The following PLCL1 variants were observed in gnomAD, a reference collection of about 807,000 sequenced individuals.
The protein encoded by PLCL1 is phospholipase C like 1 (inactive), also known as inactive phospholipase C-like protein 1.
Under a neutral mutation model 84.4 loss-of-function variants are expected in PLCL1, and 41 were observed. The ratio of observed to expected loss-of-function variants is 0.49; its 90% CI spans 0.38 to 0.63. PLCL1 has a LOEUF of 0.63. PLCL1 is among the 30% of genes least tolerant of loss of function. The pLI, the probability that PLCL1 is intolerant of heterozygous loss-of-function variation, is 0.00. For synonymous variants in PLCL1, 490 were observed against 488.3 expected (o/e 1.00, Z -0.05); for missense variants, 1,206 against 1,367.8 (o/e 0.88, Z 1.87).
At chr2:198,074,251 G>C (rs2105887898) in intron 1 of PLCL1, among the ~76,000 whole-genome samples, 1 of 152,138 alleles carries the variant, frequency 6.6e-6, no homozygotes, top group East Asian at 1.9e-4. Context: ...TCTGAAGAAA[G>C]GCTAATTATG....
chr2:197,890,701 T>TATATATATATACACACACAC (rs11270566), intron 1 of PLCL1, among the ~76,000 whole-genome samples: 2 of 118,544 alleles, frequency 1.7e-5, no homozygotes, highest in African/African-American at 7.6e-5. Flanking sequence ...TATATATATA[T>TATATATATATACACACACAC]ACACACACAC....
chr2:197,970,139 C>A (rs1287248597), intron 1 of PLCL1, among the ~76,000 whole-genome samples: 4 of 152,146 alleles, frequency 2.6e-5, no homozygotes, highest in Non-Finnish European at 5.9e-5. Flanking sequence ...AAATTTATTT[C>A]TCACATTTCT....
At chr2:198,127,341 A>G (rs148239653) in intron 5 of PLCL1, among the ~76,000 whole-genome samples, 1,685 of 152,278 alleles carry the variant, frequency 0.011, 15 homozygotes, top group Non-Finnish European at 0.017. Flanking sequence ...TGTTAGATTA[A>G]GTTGTGTATA....
intron 1 of PLCL1, among the ~76,000 whole-genome samples, chr2:197,903,801 C>A (rs1688321468): frequency 7.3e-6 from 1 of 136,362 alleles, no homozygotes; most frequent in Non-Finnish European, 1.6e-5. Flanking sequence ...CAGTGCCCGG[C>A]CTTTTTTTTT....
At chr2:197,920,029 G>A (rs952069580) in intron 1 of PLCL1, among the ~76,000 whole-genome samples, 2 of 152,128 alleles carry the variant, frequency 1.3e-5, no homozygotes, top group African/African-American at 4.8e-5. Context: ...GCCATAGGGT[G>A]GTCATGAAAA....
chr2:198,148,808 A>G lies in PLCL1; in HGVS notation c.*1846A>G, dbSNP rs1366309200. The G allele has an allele frequency of 6.6e-6, 1 of 152,364 alleles. No individual in the cohort carries two copies. Among genetic ancestry groups the G allele is most frequent in the Non-Finnish European group, 1.5e-5 (1 of 68,040 alleles). The allele number at this position is 152,364 out of a possible 1,614,324, so 9.4% of individuals were successfully genotyped here. A position where few individuals can be genotyped will look rare whatever the true frequency, so the allele number is the denominator to read the frequency against. Reference sequence around the variant, plus strand: ...GTAAATCCATGTCTTTACTGGATATACAGTTAGGTGGGAAGAGGAGATAAA... The same window carrying G: ...GTAAATCCATGTCTTTACTGGATATGCAGTTAGGTGGGAAGAGGAGATAAA... On this transcript the variant is annotated 3_prime_UTR_variant, in exon 6 of 6. Coordinates refer to ENST00000428675, the MANE Select transcript of PLCL1 (RefSeq NM_006226.4).
chr2:197,943,568 C>T (rs1350744626), intron 1 of PLCL1, among the ~76,000 whole-genome samples: 1 of 150,210 alleles, frequency 6.7e-6, no homozygotes, highest in African/African-American at 2.4e-5. Flanking sequence ...CTTATACTTC[C>T]TATACCTTTC....
In PLCL1 at chr2:197,885,605, G is replaced by A. The variant is rs572199690; in HGVS notation, c.240+80266G>A. Among the ~76,000 whole-genome samples the A allele has an allele frequency of 5.3e-5, 8 of 152,278 alleles. No individual in the cohort carries two copies. In the East Asian group the frequency reaches 9.6e-4, roughly 18 times the overall value. On this transcript the variant is annotated intron_variant, in intron 1 of 5. Coordinates refer to ENST00000428675, the MANE Select transcript of PLCL1 (RefSeq NM_006226.4). ...ATCTGGACATCCCATGCAAGGTCCC[G>A]TCAAGTTGACACAAAAATTAACCAT...
At chr2:197,840,016 G>T (rs1237485433) in intron 1 of PLCL1, among the ~76,000 whole-genome samples, 2 of 152,158 alleles carry the variant, frequency 1.3e-5, no homozygotes. Flanking sequence ...TTAAAACCTG[G>T]CAGTGGAAGA....
At chr2:198,125,022 A>G (rs776166146) in intron 5 of PLCL1, among the ~76,000 whole-genome samples, 10 of 152,114 alleles carry the variant, frequency 6.6e-5, no homozygotes, top group Admixed American at 6.5e-5. Flanking sequence ...GACTACCATA[A>G]TGGACAACAG....
At chr2:198,143,146 T>G (rs1038225337) in intron 5 of PLCL1, among the ~76,000 whole-genome samples, 1 of 152,156 alleles carries the variant, frequency 6.6e-6, no homozygotes, top group African/African-American at 2.4e-5. Flanking sequence ...TTTAAATGGC[T>G]TGGCTGACCT....
In PLCL1 at chr2:197,994,930, C is replaced by A. The variant is rs1690427240; in HGVS notation, c.241-88828C>A. ...GAGAACCAGTGAAGAAAGGAGGAAC[C>A]TGTCATCTCCATGCAGAAGCAAGGG... On this transcript the variant is annotated intron_variant, in intron 1 of 5. Coordinates refer to ENST00000428675, the MANE Select transcript of PLCL1 (RefSeq NM_006226.4). Among the ~76,000 whole-genome samples, 3 of 152,256 alleles carry A rather than the reference C, an allele frequency of 2.0e-5. No individual in the cohort carries two copies. In the South Asian group the frequency reaches 6.2e-4, roughly 32 times the overall value.
intron 1 of PLCL1, among the ~76,000 whole-genome samples, chr2:197,869,380 T>C (rs1267058336): frequency 6.6e-6 from 1 of 152,176 alleles, no homozygotes; most frequent in Non-Finnish European, 1.5e-5. Flanking sequence ...TTTTTCTTTT[T>C]TTTTTGCCTA....
intron 5 of PLCL1, among the ~76,000 whole-genome samples, chr2:198,140,432 T>G (rs562355807): frequency 6.6e-6 from 1 of 152,278 alleles, no homozygotes; most frequent in African/African-American, 2.4e-5. Flanking sequence ...GTTTTCTGCT[T>G]AAAATGCAGT....
intron 1 of PLCL1, among the ~76,000 whole-genome samples, chr2:197,963,189 T>TGTGG (rs1689658202): frequency 6.6e-6 from 1 of 151,944 alleles, no homozygotes; most frequent in South Asian, 2.1e-4. Context: ...TTACAACCAC[T>TGTGG]ATGGATTGTA....
Position 197,890,701 on chromosome 2 carries a change from T to TAC in PLCL1, c.240+85372_240+85373dup, listed in dbSNP as rs372078594. ...TTTTTGCTATATATATATATATATA[T>TAC]ACACACACACATATACGTATATATG... On this transcript the variant is annotated intron_variant, in intron 1 of 5. Transcript: ENST00000428675. 5.9e-3 allele frequency among the ~76,000 whole-genome samples: 704 copies of TAC among 118,502 alleles called. 15 individuals are homozygous for TAC. The highest frequency in any genetic ancestry group is 0.042 in the Middle Eastern group (8 of 192). 77.7% of individuals were successfully genotyped at this position (118,502 alleles called of 152,430 possible). A position where few individuals can be genotyped will look rare whatever the true frequency, so the allele number is the denominator to read the frequency against.
At chr2:197,886,972 T>C (rs1410751704) in intron 1 of PLCL1, among the ~76,000 whole-genome samples, 4 of 152,216 alleles carry the variant, frequency 2.6e-5, no homozygotes, top group African/African-American at 7.2e-5. Context: ...TTTTATCTAA[T>C]TGGCTCCTCA....
intron 3 of PLCL1, among the ~76,000 whole-genome samples, chr2:198,093,526 G>T (rs77254032): frequency 0.012 from 1,806 of 152,230 alleles, 35 homozygotes; most frequent in African/African-American, 0.041. Context: ...ATGAATAAGG[G>T]AAAAAAGCAA....
At chr2:197,958,566 GA>G (rs1487806147) in intron 1 of PLCL1, among the ~76,000 whole-genome samples, 4 of 151,988 alleles carry the variant, frequency 2.6e-5, no homozygotes, top group Non-Finnish European at 5.9e-5. Flanking sequence ...CTTTGCTTTA[GA>G]AAGTATTTCA....
Sources: gnomAD v4.1 joint callset for allele counts (sites outside exome capture counted in the v4.1 genomes callset) on GRCh38, gnomAD v4.1.1 for gene constraint, MANE v1.5 for transcripts, NCBI Gene and HGNC (gene_info 2026-07-23, HGNC 2026-07-21) for gene names.